C4orf17: variants seen among roughly 807,000 people sequenced by gnomAD.
C4orf17 encodes chromosome 4 open reading frame 17.
Under a neutral mutation model 32.0 loss-of-function variants are expected in C4orf17, and 25 were observed. The observed-to-expected ratio is 0.78, with a 90% CI of 0.57 to 1.09. The LOEUF is 1.09. C4orf17 is among the 50% of genes least tolerant of loss of function. The pLI is 0.00. For missense variants in C4orf17, 420 were observed against 420.0 expected (o/e 1.00, Z 0.00); for synonymous variants, 149 against 145.8 (o/e 1.02, Z -0.16).
chr4:99,525,933 T>A (rs1042060447), intron 4 of C4orf17, among the ~76,000 whole-genome samples: 1 of 152,238 alleles, frequency 6.6e-6, no homozygotes. Flanking sequence ...TATTTTGATG[T>A]GTCTTTAAAA....
In C4orf17 at chr4:99,535,408, C is replaced by G. The variant is rs116418404; in HGVS notation, c.547-2261C>G. Among the ~76,000 whole-genome samples the G allele has an allele frequency of 6.4e-3, 979 of 151,994 alleles. 9 individuals carry two copies. The highest frequency in any genetic ancestry group is 0.022 in the African/African-American group (916 of 41,460). ...TAAGTTCAGTCTTTTTACATAATCC[C>G]ACATTTCTCGGAGGTTTTGCTTATT... is the stretch of plus-strand genomic sequence containing the variant. On this transcript the variant is annotated intron_variant, in intron 5 of 8. Transcript: ENST00000326581.
intron 4 of C4orf17, among the ~76,000 whole-genome samples, chr4:99,525,502 A>G (rs1286081515): frequency 6.6e-6 from 1 of 152,070 alleles, no homozygotes; most frequent in Non-Finnish European, 1.5e-5. Context: ...CACTTCTTAC[A>G]TTGGGTTGTT....
At chr4:99,529,192 T>G (rs2110170884) in intron 4 of C4orf17, among the ~76,000 whole-genome samples, 1 of 152,338 alleles carries the variant, frequency 6.6e-6, no homozygotes, top group East Asian at 1.9e-4. Context: ...GTAGAAAGCC[T>G]TTCCTGGAAC....
chr4:99,532,963 A>G (rs1723500264), intron 5 of C4orf17, among the ~76,000 whole-genome samples: 1 of 152,216 alleles, frequency 6.6e-6, no homozygotes, highest in Non-Finnish European at 1.5e-5. Flanking sequence ...TGACCTTCGT[A>G]TCTTAAGACT....
At chr4:99,520,176 G>A (rs904641124) in intron 2 of C4orf17, among the ~76,000 whole-genome samples, 2 of 148,176 alleles carry the variant, frequency 1.3e-5, no homozygotes, top group African/African-American at 2.5e-5. Flanking sequence ...TGCAAGCTCC[G>A]CCTCGCGGGT....
At chr4:99,523,017 GA>G (rs1424390398) in intron 3 of C4orf17, among the ~76,000 whole-genome samples, 2 of 152,100 alleles carry the variant, frequency 1.3e-5, no homozygotes, top group African/African-American at 2.4e-5. Context: ...CACTGATGGG[GA>G]AATGATGTCA....
At chr4:99,526,485 C>A (rs193219548) in intron 4 of C4orf17, among the ~76,000 whole-genome samples, 110 of 152,180 alleles carry the variant, frequency 7.2e-4, no homozygotes, top group Non-Finnish European at 5.0e-4. Flanking sequence ...ATAATGCTGG[C>A]TTTATAGAAT....
intron 2 of C4orf17, among the ~76,000 whole-genome samples, chr4:99,520,729 A>G (rs1354368): frequency 0.6 from 91,698 of 152,114 alleles, 28,525 homozygotes; most frequent in East Asian, 0.79. Flanking sequence ...TCTTGGTTGG[A>G]GGGAATCTTT....
rs187987713 is a variant in C4orf17 at position 99,539,138 on chromosome 4, C to T, written c.629-25C>T. 4 of 1,605,564 alleles carry T rather than the reference C, an allele frequency of 2.5e-6. No individual in the cohort carries two copies. In the Admixed American group the frequency reaches 5.0e-5, roughly 20 times the overall value. On this transcript the variant is annotated intron_variant, in intron 6 of 8. Coordinates refer to ENST00000326581, the MANE Select transcript of C4orf17 (RefSeq NM_032149.3). The stretch of plus-strand genomic sequence containing the variant: ...TGATAATTGCAACCTTCACTCCTCC[C>T]ACCCTTTTTTGTCTTTTAAACCAGA...
At chr4:99,522,052 A>G (rs543133857) in intron 2 of C4orf17, among the ~76,000 whole-genome samples, 1 of 152,208 alleles carries the variant, frequency 6.6e-6, no homozygotes, top group African/African-American at 2.4e-5. Flanking sequence ...ACAAAAGAGG[A>G]ACCACTGTAT....
At chr4:99,537,851 T>A in intron 6 of C4orf17, 101 bp downstream of exon 6, 1 of 850,330 alleles carries the variant, frequency 1.2e-6, no homozygotes. Flanking sequence ...TTTGCAAAGA[T>A]AATGTTGCAA....
chr4:99,535,816 T>C, intron 5 of C4orf17: 1 of 378,834 alleles, frequency 2.6e-6, no homozygotes, highest in South Asian at 2.1e-5. Flanking sequence ...AGCAGCACCC[T>C]GGCTTTTTGA....
chr4:99,511,452 C>A, intron 1 of C4orf17, among the ~76,000 whole-genome samples, 180 bp downstream of exon 1: 1 of 150,492 alleles, frequency 6.6e-6, no homozygotes. Context: ...TAAAGTGTAT[C>A]ACTACCCTTT....
intron 2 of C4orf17, among the ~76,000 whole-genome samples, chr4:99,521,197 C>A (rs542136677): frequency 1.3e-5 from 2 of 151,996 alleles, no homozygotes; most frequent in Non-Finnish European, 2.9e-5. Flanking sequence ...CATGGTGAAA[C>A]CTCGTCTCTA....
At position 99,511,812 on chromosome 4, in the gene C4orf17, T is replaced by C. The variant is rs777724077; in HGVS notation, c.-94+540T>C. Among the ~76,000 whole-genome samples, 29 of 152,188 alleles carry C rather than the reference T, an allele frequency of 1.9e-4. 1 individual carries two copies. The highest frequency in any genetic ancestry group is 3.7e-4 in the Non-Finnish European group (25 of 68,016). ...AAAGAGATTAGAACTAGCTCCTCAC[T>C]GTGATATTCATAAACAGCAATAAGA... On this transcript the variant is annotated intron_variant, in intron 1 of 8. Coordinates refer to ENST00000326581, the MANE Select transcript of C4orf17 (RefSeq NM_032149.3).
chr4:99,525,639 A>G (rs954931167), intron 4 of C4orf17, among the ~76,000 whole-genome samples: 1 of 151,920 alleles, frequency 6.6e-6, no homozygotes, highest in African/African-American at 2.4e-5. Flanking sequence ...CTAAAATACA[A>G]AAAAAATTAG....
At chr4:99,513,851 A>G (rs965813458) in intron 2 of C4orf17, among the ~76,000 whole-genome samples, 1 of 152,208 alleles carries the variant, frequency 6.6e-6, no homozygotes, top group African/African-American at 2.4e-5. Context: ...CACATCTTGC[A>G]TTCTGAGATG....
intron 2 of C4orf17, among the ~76,000 whole-genome samples, chr4:99,515,207 T>C (rs961758103): frequency 2.0e-5 from 3 of 152,072 alleles, no homozygotes; most frequent in African/African-American, 4.8e-5. Context: ...AAAGAACTTA[T>C]CCAGTAATAA....
Position 99,534,166 on chromosome 4 carries a change from G to A in C4orf17, c.547-3503G>A, listed in dbSNP as rs1358149757. On this transcript the variant is annotated intron_variant, in intron 5 of 8. Coordinates refer to ENST00000326581, the MANE Select transcript of C4orf17 (RefSeq NM_032149.3). The stretch of plus-strand genomic sequence containing the variant: ...AACTCCCCCTGACAGGTCCCAGTGT[G>A]TGTTGTTCCCCACCATATGTCCATG... Among the ~76,000 whole-genome samples, 11 of 152,040 alleles carry A rather than the reference G, an allele frequency of 7.2e-5. 1 individual carries two copies. Among genetic ancestry groups the A allele is most frequent in the Admixed American group, 7.2e-4 (11 of 15,246 alleles).
Sources: gnomAD v4.1 joint callset for allele counts (sites outside exome capture counted in the v4.1 genomes callset) on GRCh38, gnomAD v4.1.1 for gene constraint, MANE v1.5 for transcripts, NCBI Gene and HGNC (gene_info 2026-07-23, HGNC 2026-07-21) for gene names.